The following AGAP1 variants were observed in gnomAD, a reference collection of about 807,000 sequenced individuals.
The protein encoded by AGAP1 is arf-GAP with GTPase, ANK repeat and PH domain-containing protein 1.
AGAP1 carries 29 observed loss-of-function variants against 105.3 expected under a neutral mutation model. The ratio of observed to expected loss-of-function variants is 0.28; its 90% CI spans 0.21 to 0.38. AGAP1 has a LOEUF of 0.38. AGAP1 is among the 10% of genes least tolerant of loss of function. AGAP1 has a pLI of 1.00. For missense variants in AGAP1, 998 were observed against 1,165.1 expected, an observed-to-expected ratio of 0.86 and a Z score of 2.09; for synonymous variants, 509 against 485.9, an observed-to-expected ratio of 1.05 and a Z score of -0.63.
chr2:235,672,985 T>G (rs1478417459), intron 1 of AGAP1, among the ~76,000 whole-genome samples: 1 of 152,208 alleles, frequency 6.6e-6, no homozygotes, highest in Admixed American at 6.5e-5. Context: ...CATTGTGGGT[T>G]GTATAGAAAA....
Position 235,874,336 on chromosome 2 carries a change from A to G in AGAP1, c.1051-9009A>G, listed in dbSNP as rs1321028227. ...AGTGCTGGGGTTACAGATGTAAGCCACTGTGCCCGGCCCAGAACCACATTC... is the reference window on the plus strand; with the variant it reads ...AGTGCTGGGGTTACAGATGTAAGCCGCTGTGCCCGGCCCAGAACCACATTC... On this transcript the variant is annotated intron_variant, in intron 9 of 17. Transcript: ENST00000304032. The surrounding 1 kb of genome is among the most constrained non-coding windows in gnomAD (Gnocchi z 4.5). Among the ~76,000 whole-genome samples, 1 of 152,228 alleles carries G rather than the reference A, an allele frequency of 6.6e-6. No individual in the cohort carries two copies. Among genetic ancestry groups the G allele is most frequent in the Non-Finnish European group, 1.5e-5 (1 of 68,042 alleles).
intron 9 of AGAP1, among the ~76,000 whole-genome samples, chr2:235,833,269 C>T (rs561571882): frequency 1.1e-3 from 166 of 152,290 alleles, no homozygotes; most frequent in African/African-American, 3.7e-3. Flanking sequence ...GGCACGGGAG[C>T]GGGACCACAC....
rs757604477 is a variant in AGAP1, at chr2:235,670,866, C to T, written c.164-38313C>T. ...GAGCGCGCGCGGGCGGCGGCCGGGG[C>T]CGGCGCGGCCTCGGAGCACCGGCTG... On this transcript the variant is annotated intron_variant, in intron 1 of 17. Coordinates refer to ENST00000304032, the MANE Select transcript of AGAP1 (RefSeq NM_001037131.3). 55 of 1,378,038 alleles carry T rather than the reference C, an allele frequency of 4.0e-5. 1 individual carries two copies. The South Asian group carries it at 6.9e-4, about 17-fold the overall frequency. 85.4% of individuals were successfully genotyped at this position (1,378,038 alleles called of 1,614,324 possible).
chr2:235,941,545 GC>G (rs1435678060), intron 12 of AGAP1, among the ~76,000 whole-genome samples: 1 of 152,178 alleles, frequency 6.6e-6, no homozygotes, highest in Non-Finnish European at 1.5e-5. Flanking sequence ...CAGGTGCAAG[GC>G]ATACGTTCGC....
In AGAP1 at chr2:236,094,680, C is replaced by T. The variant is rs867896960; in HGVS notation, c.2115-25512C>T. On this transcript the variant is annotated intron_variant, in intron 16 of 17. Transcript: ENST00000304032. ...CTGGAGAAATTTTATCTTTCACAAA[C>T]GCAGATGTTCATTTATTGAAGAAAT... 1.2e-4 allele frequency among the ~76,000 whole-genome samples: 18 copies of T among 152,062 alleles called. No homozygotes were observed. The South Asian group carries it at 1.2e-3, about 11-fold the overall frequency.
intron 9 of AGAP1, among the ~76,000 whole-genome samples, chr2:235,873,233 A>T (rs1301599806): frequency 6.6e-6 from 1 of 152,162 alleles, no homozygotes; most frequent in East Asian, 1.9e-4. Context: ...ACTCTTCAAA[A>T]ATCAGTGTTC....
intron 13 of AGAP1, among the ~76,000 whole-genome samples, chr2:235,987,675 T>C (rs1327876113): frequency 2.0e-5 from 3 of 152,222 alleles, no homozygotes; most frequent in Admixed American, 2.0e-4. Flanking sequence ...AACACTGTTT[T>C]AGCGGTATCC....
intron 13 of AGAP1, among the ~76,000 whole-genome samples, chr2:236,019,457 G>A (rs1291971357): frequency 6.6e-6 from 1 of 152,242 alleles, no homozygotes; most frequent in African/African-American, 2.4e-5. Context: ...GAACCACAGT[G>A]ACCGCATCCT....
intron 8 of AGAP1, among the ~76,000 whole-genome samples, chr2:235,802,998 G>GTGATGGTTATGATGGTGA (rs1957616903): frequency 5.8e-5 from 1 of 17,114 alleles, no homozygotes; most frequent in African/African-American, 2.3e-4. Flanking sequence ...TGTGATGGTG[G>GTGATGGTTATGATGGTGA]TGATGGTTGT....
chr2:235,508,836 G>A (rs868770661), intron 1 of AGAP1, among the ~76,000 whole-genome samples: 13 of 152,352 alleles, frequency 8.5e-5, no homozygotes, highest in African/African-American at 2.9e-4. Flanking sequence ...GCTGTAATTA[G>A]CAAAAGAGGG....
chr2:236,049,393 T>C, intron 16 of AGAP1, 112 bp downstream of exon 16: 1 of 981,998 alleles, frequency 1.0e-6, no homozygotes, highest in Non-Finnish European at 1.5e-6. Flanking sequence ...CTGTAGGAAT[T>C]CGGGAATTCC....
chr2:235,767,944 G>A (rs1246417974), intron 6 of AGAP1, among the ~76,000 whole-genome samples: 4 of 151,942 alleles, frequency 2.6e-5, no homozygotes, highest in Non-Finnish European at 5.9e-5. Flanking sequence ...ACGCCATCAT[G>A]CCCGGCTAAT....
rs1368847848 is a variant in AGAP1 at position 235,577,772 on chromosome 2, C to CG, written c.163+82926dup. Among the ~76,000 whole-genome samples the CG allele has an allele frequency of 6.6e-6, 1 of 152,160 alleles. No homozygotes were observed. ...CACAGGCTTGTCTGCTGGCCTCCCCCGGGAGAGAGAGTAGGTTTGCTATTC... is the reference window on the plus strand; with the variant it reads ...CACAGGCTTGTCTGCTGGCCTCCCCCGGGGAGAGAGAGTAGGTTTGCTATTC... On this transcript the variant is annotated intron_variant, in intron 1 of 17. Coordinates refer to ENST00000304032, the MANE Select transcript of AGAP1 (RefSeq NM_001037131.3). The surrounding 1 kb of genome is among the most constrained non-coding windows in gnomAD (Gnocchi z 4.5).
intron 1 of AGAP1, among the ~76,000 whole-genome samples, chr2:235,669,289 T>C (rs974255063): frequency 1.3e-5 from 2 of 152,176 alleles, no homozygotes; most frequent in Admixed American, 1.3e-4. Context: ...ACAAGTCACA[T>C]GAGTTGCATC....
At chr2:235,894,605 A>G (rs945374178) in intron 10 of AGAP1, among the ~76,000 whole-genome samples, 6 of 148,058 alleles carry the variant, frequency 4.1e-5, no homozygotes, top group Middle Eastern at 3.4e-3. Flanking sequence ...ACACACATAC[A>G]CACACACTTA....
intron 11 of AGAP1, among the ~76,000 whole-genome samples, chr2:235,922,111 T>C (rs914670651): frequency 1.3e-5 from 2 of 152,212 alleles, no homozygotes; most frequent in African/African-American, 2.4e-5. Context: ...ACGGGCGTGG[T>C]GCAGCTGTAG....
In AGAP1 at chr2:236,009,610, C is replaced by A. The variant is rs1442995493; in HGVS notation, c.1646-26951C>A. ...CGCTCCCTTCTATGAATAGAGAGGG[C>A]TATTTGTTTCATTCAAAGACAAGAC... On this transcript the variant is annotated intron_variant, in intron 13 of 17. Transcript: ENST00000304032. The surrounding 1 kb of genome is among the most constrained non-coding windows in gnomAD (Gnocchi z 4.2). Among the ~76,000 whole-genome samples the A allele has an allele frequency of 6.6e-6, 1 of 152,162 alleles. No individual in the cohort carries two copies. Among genetic ancestry groups the A allele is most frequent in the Non-Finnish European group, 1.5e-5 (1 of 68,026 alleles).
At chr2:235,638,427 G>A (rs1435581189) in intron 1 of AGAP1, among the ~76,000 whole-genome samples, 2 of 152,168 alleles carry the variant, frequency 1.3e-5, no homozygotes, top group Non-Finnish European at 2.9e-5. Flanking sequence ...GGGGAAAACT[G>A]CAGTGTGCTC....
rs61257818 is a variant in AGAP1, at chr2:235,867,536, A to AGT, written c.1051-15771_1051-15770dup. On this transcript the variant is annotated intron_variant, in intron 9 of 17. Coordinates refer to ENST00000304032, the MANE Select transcript of AGAP1 (RefSeq NM_001037131.3). The surrounding 1 kb of genome is among the most constrained non-coding windows in gnomAD (Gnocchi z 5.4). ...ATCATACACCTTATGCTGGTGCTGCAGTGTGTGTGTGTGTGTGTGTGTGTG... is the reference window on the plus strand; with the variant it reads ...ATCATACACCTTATGCTGGTGCTGCAGTGTGTGTGTGTGTGTGTGTGTGTGTG... Among the ~76,000 whole-genome samples the AGT allele has an allele frequency of 0.038, 4,682 of 123,276 alleles. 182 individuals are homozygous for AGT. The highest frequency in any genetic ancestry group is 0.091 in the African/African-American group (3,200 of 35,086). 80.9% of individuals were successfully genotyped at this position (123,276 alleles called of 152,430 possible). A position where few individuals can be genotyped will look rare whatever the true frequency, so the allele number is the denominator to read the frequency against.
Sources: gnomAD v4.1 joint callset for allele counts (sites outside exome capture counted in the v4.1 genomes callset) on GRCh38, gnomAD v4.1.1 for gene constraint, Gnocchi (gnomAD v3.1) non-coding constraint, MANE v1.5 for transcripts, NCBI Gene and HGNC (gene_info 2026-07-23, HGNC 2026-07-21) for gene names.